AVEN: variants seen among roughly 807,000 people sequenced by gnomAD.
AVEN encodes cell death regulator Aven.
In AVEN, 41 loss-of-function variants were observed where a neutral mutation model predicts 38.1. The observed-to-expected ratio is 1.08, with a 90% confidence interval of 0.84 to 1.40. The LOEUF (loss-of-function observed/expected upper bound fraction) is 1.40, where lower values mean the gene tolerates loss of function less well. Ranked by LOEUF, AVEN falls within the 40% of genes most tolerant of loss-of-function variation. The pLI, the probability that AVEN is intolerant of heterozygous loss-of-function variation, is 0.00. For missense variants in AVEN, 605 were observed against 438.8 expected (o/e 1.38, Z -3.38); for synonymous variants, 206 against 171.8 (o/e 1.20, Z -1.56).
rs868798172 is a variant in AVEN, at chr15:33,947,258, T to C, written c.445+55774A>G. ...CAGACTCATATGCCTCTGTTGCAGA[T>C]TGGTGTGGGCAAAAACCAAACAACG... On this transcript the variant is annotated intron_variant, in intron 2 of 5. Coordinates refer to ENST00000306730, the MANE Select transcript of AVEN (RefSeq NM_020371.3). Among the ~76,000 whole-genome samples, 114 of 152,262 alleles carry C rather than the reference T, an allele frequency of 7.5e-4. 2 individuals are homozygous for C. Among genetic ancestry groups the C allele is most frequent in the Middle Eastern group, 6.8e-3 (2 of 294 alleles).
At chr15:34,059,688 TG>T (rs1456829104) in intron 5 of AVEN, among the ~76,000 whole-genome samples, 2 of 152,220 alleles carry the variant, frequency 1.3e-5, no homozygotes, top group African/African-American at 4.8e-5. Context: ...TGAAACATTC[TG>T]GCACTAGCAT....
At chr15:33,865,862 TCTTA>T (rs1411866032), downstream of AVEN, 11 of 152,632 alleles carry the variant, frequency 7.2e-5, no homozygotes, top group African/African-American at 1.4e-4. Flanking sequence ...TGATCTTCCG[TCTTA>T]CTTTATGAAA....
chr15:34,006,195 C>CA (rs1897331708), intron 1 of AVEN, among the ~76,000 whole-genome samples: 1 of 152,024 alleles, frequency 6.6e-6, no homozygotes, highest in African/African-American at 2.4e-5. Flanking sequence ...CCTGTAGTCC[C>CA]AGCTACTCAG....
chr15:34,073,315 A>G (rs1900667787), intron 1 of AVEN, among the ~76,000 whole-genome samples: 1 of 145,076 alleles, frequency 6.9e-6, no homozygotes, highest in African/African-American at 2.6e-5. Flanking sequence ...TCGGCCTCCC[A>G]AAGTGCTGGG....
intron 2 of AVEN, among the ~76,000 whole-genome samples, chr15:33,945,597 T>A (rs1894475707): frequency 6.6e-6 from 1 of 152,054 alleles, no homozygotes; most frequent in Non-Finnish European, 1.5e-5. Flanking sequence ...TTGTTTTGGT[T>A]TTTTTTTGAA....
intron 2 of AVEN, among the ~76,000 whole-genome samples, chr15:33,924,579 C>T (rs1893541856): frequency 6.6e-6 from 1 of 152,166 alleles, no homozygotes; most frequent in African/African-American, 2.4e-5. Context: ...GCCACAGCCT[C>T]TCAAAGTGCT....
At chr15:33,878,182 G>C (rs1490927380) in intron 2 of AVEN, among the ~76,000 whole-genome samples, 4 of 152,232 alleles carry the variant, frequency 2.6e-5, no homozygotes, top group Non-Finnish European at 4.4e-5. Context: ...TTTTGAATTT[G>C]TCCAAATTAC....
rs1477491517 is a variant in AVEN at position 33,958,489 on chromosome 15, G to A, written c.445+44543C>T. 3.9e-5 allele frequency among the ~76,000 whole-genome samples: 6 copies of A among 151,926 alleles called. No individual in the cohort carries two copies. In the South Asian group the frequency reaches 1.0e-3, roughly 26 times the overall value. On this transcript the variant is annotated intron_variant, in intron 2 of 5. Transcript: ENST00000306730. ...ATCTGTAATCCCAGCTACTCAGGTG[G>A]CTGAGGGAGGAGAATCACTTGAACT...
intron 1 of AVEN, among the ~76,000 whole-genome samples, chr15:34,073,195 C>T (rs1293021974): frequency 6.7e-6 from 1 of 149,698 alleles, no homozygotes; most frequent in African/African-American, 2.5e-5. Context: ...CGCCCGCCAC[C>T]TCGCCCGGCT....
chr15:33,865,083 CT>C, downstream of AVEN: 1 of 1,483,834 alleles, frequency 6.7e-7, no homozygotes, highest in Non-Finnish European at 9.4e-7. Context: ...TGGGTTTTAG[CT>C]TTTACTGTGG....
intron 5 of AVEN, 82 bp from the exon 6 acceptor site, chr15:33,866,810 T>G: frequency 1.0e-6 from 1 of 973,850 alleles, no homozygotes; most frequent in East Asian, 2.4e-5. Context: ...ATTACTTTCC[T>G]TACAACAAGG....
At chr15:33,888,723 GC>G (rs1340018091) in intron 2 of AVEN, among the ~76,000 whole-genome samples, 1 of 151,894 alleles carries the variant, frequency 6.6e-6, no homozygotes, top group Non-Finnish European at 1.5e-5. Context: ...ATTTTAAATT[GC>G]CTATGGAAAA....
chr15:34,043,013 C>T (rs927707891), upstream of AVEN, among the ~76,000 whole-genome samples: 24 of 151,866 alleles, frequency 1.6e-4, no homozygotes, highest in African/African-American at 5.6e-4. Flanking sequence ...TTTGGGAGGC[C>T]GAGGTGGGTG....
chr15:33,915,087 GC>G (rs1035930159), intron 2 of AVEN, among the ~76,000 whole-genome samples: 2 of 152,078 alleles, frequency 1.3e-5, no homozygotes, highest in Non-Finnish European at 2.9e-5. Flanking sequence ...CTTCCAACTG[GC>G]CAAGTCTGGG....
intron 2 of AVEN, among the ~76,000 whole-genome samples, chr15:33,952,192 A>AT (rs1490888099): frequency 1.3e-5 from 2 of 152,220 alleles, no homozygotes; most frequent in Non-Finnish European, 2.9e-5. Flanking sequence ...TGGAAATGAT[A>AT]TTATCTTCAA....
intron 1 of AVEN, among the ~76,000 whole-genome samples, chr15:34,007,470 C>T (rs1897406919): frequency 6.6e-6 from 1 of 152,182 alleles, no homozygotes; most frequent in Non-Finnish European, 1.5e-5. Flanking sequence ...CTCTAGTGTC[C>T]ATTAACATGT....
At chr15:33,891,605 A>G (rs1178139327) in intron 2 of AVEN, among the ~76,000 whole-genome samples, 1 of 152,166 alleles carries the variant, frequency 6.6e-6, no homozygotes, top group African/African-American at 2.4e-5. Context: ...TATATGTGCC[A>G]CATTTTCTCA....
intron 2 of AVEN, among the ~76,000 whole-genome samples, chr15:33,917,105 G>A (rs1167860856): frequency 2.0e-5 from 3 of 152,074 alleles, no homozygotes; most frequent in Non-Finnish European, 2.9e-5. Flanking sequence ...AATTCAAGAT[G>A]AGATTTGGGT....
chr15:33,881,222 T>G (rs1891472824), intron 2 of AVEN, among the ~76,000 whole-genome samples: 1 of 151,858 alleles, frequency 6.6e-6, no homozygotes, highest in Non-Finnish European at 1.5e-5. Context: ...CCCAAGTTTC[T>G]GGGACTACAG....
Sources: allele counts gnomAD v4.1 joint callset (sites outside exome capture counted in the v4.1 genomes callset), GRCh38; gene constraint gnomAD v4.1.1; transcripts MANE v1.5; gene names NCBI Gene and HGNC (gene_info 2026-07-23, HGNC 2026-07-21).